GNB1L: variants seen among roughly 807,000 people sequenced by gnomAD.
GNB1L encodes G protein subunit beta 1 like.
Under a neutral mutation model 29.1 loss-of-function variants are expected in GNB1L, and 20 were observed. The ratio of observed to expected loss-of-function variants is 0.69; its 90% CI spans 0.48 to 1.00. GNB1L has a LOEUF of 1.00. Ranked by LOEUF, GNB1L falls within the 50% of genes least tolerant of loss-of-function variation. The pLI is 0.00. For missense variants in GNB1L, 421 were observed against 464.9 expected, an observed-to-expected ratio of 0.91 and a Z score of 0.87; for synonymous variants, 193 against 206.5, an observed-to-expected ratio of 0.93 and a Z score of 0.56.
chr22:19,830,560 G>C (rs1374705314), intron 2 of GNB1L, among the ~76,000 whole-genome samples: 1 of 152,078 alleles, frequency 6.6e-6, no homozygotes, highest in Non-Finnish European at 1.5e-5. Context: ...AAAGGAAAAA[G>C]GATCCTTTGT....
chr22:19,847,725 C>T, intron 2 of GNB1L: 1 of 977,550 alleles, frequency 1.0e-6, no homozygotes, highest in Non-Finnish European at 1.2e-6. Context: ...GTATTCCCAC[C>T]AACAGTATGA....
At chr22:19,807,908 G>A (rs1344363049) in intron 5 of GNB1L, among the ~76,000 whole-genome samples, 2 of 152,192 alleles carry the variant, frequency 1.3e-5, no homozygotes, top group African/African-American at 2.4e-5. Flanking sequence ...GGTGTGCTGA[G>A]GTCACCTCCG....
intron 2 of GNB1L, among the ~76,000 whole-genome samples, chr22:19,830,084 C>A (rs1214050243): frequency 6.6e-6 from 1 of 152,090 alleles, no homozygotes; most frequent in East Asian, 1.9e-4. Flanking sequence ...CCTGTAGTCC[C>A]AGCTACTTGG....
chr22:19,806,541 C>T (rs932356384), intron 6 of GNB1L, 118 bp downstream of exon 6: 14 of 649,994 alleles, frequency 2.2e-5, no homozygotes, highest in East Asian at 1.1e-4. Context: ...AGGTTCCCTG[C>T]GGCAGGGGGG....
At chr22:19,848,389 G>A (rs962864961) in intron 2 of GNB1L, 1 of 985,334 alleles carries the variant, frequency 1.0e-6, no homozygotes, top group Admixed American at 6.2e-5. Flanking sequence ...AACAACCCAG[G>A]GGGAATGCCT....
At chr22:19,789,631 CCA>C (rs1024081793) in intron 7 of GNB1L, among the ~76,000 whole-genome samples, 11 of 152,088 alleles carry the variant, frequency 7.2e-5, no homozygotes, top group Admixed American at 7.2e-4. Flanking sequence ...AGACCCGGAG[CCA>C]CACAGACAGG....
rs574351913 is a variant in GNB1L at position 19,798,033 on chromosome 22, C to T, written c.732+3968G>A. 8.9e-4 allele frequency among the ~76,000 whole-genome samples: 136 copies of T among 152,314 alleles called. 1 individual carries two copies. Among genetic ancestry groups the T allele is most frequent in the African/African-American group, 3.1e-3 (130 of 41,566 alleles). On this transcript the variant is annotated intron_variant, in intron 7 of 7. Transcript: ENST00000329517. ...CGACACACAGCCATTGGTTGGCAAC[C>T]GCAAGCCCAGGCTGGCCTCAGTGTC... is the stretch of plus-strand genomic sequence containing the variant.
chr22:19,809,093 G>A (rs1000883104), intron 5 of GNB1L, among the ~76,000 whole-genome samples: 3 of 151,922 alleles, frequency 2.0e-5, no homozygotes, highest in African/African-American at 4.8e-5. Flanking sequence ...TCCTGCCTTC[G>A]CACCCAAATG....
chr22:19,820,498 C>A, intron 4 of GNB1L, 100 bp downstream of exon 4: 1 of 1,324,422 alleles, frequency 7.6e-7, no homozygotes, highest in Non-Finnish European at 1.0e-6. Context: ...CTGGTTCCCC[C>A]ACCCCATTCT....
intron 7 of GNB1L, among the ~76,000 whole-genome samples, chr22:19,795,400 C>T (rs894337200): frequency 6.6e-6 from 1 of 152,130 alleles, no homozygotes; most frequent in Non-Finnish European, 1.5e-5. Context: ...ACTGGAACCA[C>T]GTCCACTGAC....
intron 2 of GNB1L, chr22:19,847,296 T>C (rs193000806): frequency 2.6e-4 from 256 of 984,990 alleles, no homozygotes; most frequent in Admixed American, 4.3e-4. Context: ...TCTTTGTTAC[T>C]GCAGCACAAT....
chr22:19,798,169 C>T (rs568256228), intron 7 of GNB1L, among the ~76,000 whole-genome samples: 35 of 152,270 alleles, frequency 2.3e-4, no homozygotes, highest in African/African-American at 7.7e-4. Flanking sequence ...ACCTGCTGCG[C>T]GGGGCCGTCA....
rs374513107 is a variant in GNB1L, at chr22:19,844,542, A to C, written c.-21+9901T>G. Among the ~76,000 whole-genome samples, 6 of 152,322 alleles carry C rather than the reference A, an allele frequency of 3.9e-5. No individual in the cohort carries two copies. In the East Asian group the frequency reaches 9.7e-4, roughly 25 times the overall value. The stretch of plus-strand genomic sequence containing the variant: ...GCTGCAAGTCAGACTTCTCCTTTGC[A>C]CTGGGACACGGGCTGCCTCAGCTGA... On this transcript the variant is annotated intron_variant, in intron 2 of 7. Transcript: ENST00000329517.
chr22:19,804,530 A>T (rs1193661388), intron 6 of GNB1L, among the ~76,000 whole-genome samples: 1 of 152,180 alleles, frequency 6.6e-6, no homozygotes, highest in Non-Finnish European at 1.5e-5. Flanking sequence ...GGAGCAAAAT[A>T]AGAATATACT....
At chr22:19,819,336 A>AGGAG (rs1455395985) in intron 4 of GNB1L, among the ~76,000 whole-genome samples, 1 of 152,248 alleles carries the variant, frequency 6.6e-6, no homozygotes, top group African/African-American at 2.4e-5. Context: ...ATGGTGCGAC[A>AGGAG]GCCACAGGAG....
intron 2 of GNB1L, among the ~76,000 whole-genome samples, chr22:19,829,408 A>C (rs1295392304): frequency 1.3e-5 from 2 of 152,206 alleles, no homozygotes; most frequent in African/African-American, 4.8e-5. Flanking sequence ...GAAATTAATA[A>C]AATAAAAAAC....
chr22:19,811,752 T>C (rs1217353553), intron 5 of GNB1L, among the ~76,000 whole-genome samples: 2 of 152,124 alleles, frequency 1.3e-5, no homozygotes, highest in Non-Finnish European at 2.9e-5. Context: ...CACCACCTTG[T>C]GCCTGCACCC....
At chr22:19,793,586 A>G (rs977104489) in intron 7 of GNB1L, among the ~76,000 whole-genome samples, 3 of 152,302 alleles carry the variant, frequency 2.0e-5, no homozygotes, top group South Asian at 2.1e-4. Context: ...GCAGAACCCA[A>G]TCAGGACAAG....
At chr22:19,834,825 A>C (rs1209696642) in intron 2 of GNB1L, among the ~76,000 whole-genome samples, 1 of 152,194 alleles carries the variant, frequency 6.6e-6, no homozygotes, top group East Asian at 1.9e-4. Context: ...AGAAAACAAC[A>C]AAATAGTAGA....
Sources: allele counts gnomAD v4.1 joint callset (sites outside exome capture counted in the v4.1 genomes callset), GRCh38; gene constraint gnomAD v4.1.1; transcripts MANE v1.5; gene names NCBI Gene and HGNC (gene_info 2026-07-23, HGNC 2026-07-21).